The following RPRD1A variants were observed in gnomAD, a reference collection of about 807,000 sequenced individuals.
RPRD1A encodes the protein regulation of nuclear pre-mRNA domain containing 1A.
RPRD1A carries 9 observed loss-of-function variants against 37.8 expected under a neutral mutation model. The ratio of observed to expected loss-of-function variants is 0.24; its 90% CI spans 0.14 to 0.42. The LOEUF (loss-of-function observed/expected upper bound fraction) is 0.42. RPRD1A is among the 10% of genes least tolerant of loss of function. RPRD1A has a pLI of 1.00. For synonymous variants in RPRD1A, 138 were observed against 139.7 expected, an observed-to-expected ratio of 0.99 and a Z score of 0.08; for missense variants, 255 against 371.0, an observed-to-expected ratio of 0.69 and a Z score of 2.57.
At chr18:36,029,201 C>G (rs1431736840) in intron 4 of RPRD1A, among the ~76,000 whole-genome samples, 1 of 152,168 alleles carries the variant, frequency 6.6e-6, no homozygotes, top group African/African-American at 2.4e-5. Flanking sequence ...TGGTCTGATT[C>G]CTTCTGCTTC....
chr18:36,030,944 C>T (rs1267283762), intron 3 of RPRD1A, 39 bp from the exon 4 acceptor site: 4 of 1,598,234 alleles, frequency 2.5e-6, no homozygotes, highest in African/African-American at 1.3e-5. Flanking sequence ...TGAAAGAATA[C>T]ATTTTAATGA....
intron 2 of RPRD1A, 44 bp downstream of exon 2, chr18:36,033,664 T>C (rs755181268): frequency 6.6e-7 from 1 of 1,525,430 alleles, no homozygotes; most frequent in Non-Finnish European, 8.8e-7. Flanking sequence ...GGACATATGG[T>C]ACATTTAAAA....
chr18:36,044,375 A>AAAAAACATTTCATT (rs1912803770), intron 1 of RPRD1A, among the ~76,000 whole-genome samples: 1 of 152,188 alleles, frequency 6.6e-6, no homozygotes, highest in South Asian at 2.1e-4. Flanking sequence ...TGTGGTCCCT[A>AAAAAACATTTCATT]AAAAACATTT....
Position 36,031,037 on chromosome 18 carries a change from C to T in RPRD1A, c.342G>A (p.Arg114=). 6.3e-7 allele frequency: 1 copy of T among 1,596,878 alleles called. No homozygotes were observed. ...LGRVLSIWEE[R]SVYENDVLEQ... is the part of the protein sequence containing the mutation. ...CTAATACATCATTTTCATAAACAGACCTTTCTTCCCAAATAGATAACACTC... is the reference window on the plus strand; with the variant it reads ...CTAATACATCATTTTCATAAACAGATCTTTCTTCCCAAATAGATAACACTC... Residue 114 remains arginine (R), a synonymous_variant, in exon 3 of 7, where the codon AGG becomes AGA. Coordinates refer to ENST00000399022, the MANE Select transcript of RPRD1A (RefSeq NM_018170.5).
intron 1 of RPRD1A, among the ~76,000 whole-genome samples, chr18:36,066,102 A>T (rs1253005650): frequency 6.6e-6 from 1 of 152,198 alleles, no homozygotes; most frequent in Non-Finnish European, 1.5e-5. Flanking sequence ...CTTTCCGTCC[A>T]CTCACAGAAG....
At chr18:36,019,142 C>G (rs1910815210) in intron 6 of RPRD1A, among the ~76,000 whole-genome samples, 1 of 135,496 alleles carries the variant, frequency 7.4e-6, no homozygotes, top group Non-Finnish European at 1.5e-5. Flanking sequence ...GAGTCTCGCT[C>G]TGTCGCCCAG....
intron 6 of RPRD1A, among the ~76,000 whole-genome samples, chr18:36,012,994 A>G (rs1182556751): frequency 9.2e-5 from 14 of 152,158 alleles, no homozygotes; most frequent in Admixed American, 9.2e-4. Flanking sequence ...TGGTTTCCAG[A>G]GGTACAGGGA....
chr18:36,066,306 T>C (rs531332711), intron 1 of RPRD1A, among the ~76,000 whole-genome samples: 1 of 152,342 alleles, frequency 6.6e-6, no homozygotes, highest in African/African-American at 2.4e-5. Flanking sequence ...ATCATATAGC[T>C]TTCACAAGGT....
At chr18:36,013,521 G>C (rs971340556) in intron 6 of RPRD1A, among the ~76,000 whole-genome samples, 2 of 152,082 alleles carry the variant, frequency 1.3e-5, no homozygotes, top group African/African-American at 4.8e-5. Flanking sequence ...CAATATCCGA[G>C]ATAGGTGCTA....
intron 1 of RPRD1A, among the ~76,000 whole-genome samples, chr18:36,045,101 G>A (rs146348843): frequency 3.3e-5 from 5 of 151,970 alleles, no homozygotes; most frequent in African/African-American, 9.6e-5. Flanking sequence ...TTAGCCAGAC[G>A]TGGTGGTGCA....
rs1908800236 is a variant in RPRD1A at position 35,992,984 on chromosome 18, A to G, written c.*167T>C. On this transcript the variant is annotated 3_prime_UTR_variant, in exon 7 of 7. Transcript: ENST00000399022. ...CAAATTAAGTCATGTTAATTTACCAATAAAATAGTAAACAAACCAACATTT... is the reference window on the plus strand; with the variant it reads ...CAAATTAAGTCATGTTAATTTACCAGTAAAATAGTAAACAAACCAACATTT... 6 of 503,402 alleles carry G rather than the reference A, an allele frequency of 1.2e-5. No homozygotes were observed. Among genetic ancestry groups the G allele is most frequent in the Non-Finnish European group, 1.9e-5 (6 of 309,732 alleles). The allele number at this position is 503,402 out of a possible 1,614,324, so 31.2% of individuals were successfully genotyped here. A position where few individuals can be genotyped will look rare whatever the true frequency, so the allele number is the denominator to read the frequency against.
At chr18:36,062,095 A>G (rs1050195129) in intron 1 of RPRD1A, among the ~76,000 whole-genome samples, 1 of 151,866 alleles carries the variant, frequency 6.6e-6, no homozygotes, top group Non-Finnish European at 1.5e-5. Flanking sequence ...AGGCGGGTGG[A>G]TCATGAGGTC....
At chr18:36,067,095 T>C (rs1316158903) in intron 1 of RPRD1A, among the ~76,000 whole-genome samples, 159 bp downstream of exon 1, 3 of 152,244 alleles carry the variant, frequency 2.0e-5, no homozygotes, top group African/African-American at 4.8e-5. Flanking sequence ...GCCCAGACTT[T>C]GCAGAAGCGT....
At chr18:36,020,278 A>G (rs752657624) in intron 6 of RPRD1A, among the ~76,000 whole-genome samples, 3 of 152,180 alleles carry the variant, frequency 2.0e-5, no homozygotes, top group Non-Finnish European at 4.4e-5. Flanking sequence ...TAACTAAAAG[A>G]TGGAAGATAA....
intron 6 of RPRD1A, among the ~76,000 whole-genome samples, chr18:36,022,046 A>G (rs1007726507): frequency 5.9e-5 from 9 of 152,182 alleles, no homozygotes; most frequent in African/African-American, 1.4e-4. Context: ...GAAGAAAGCT[A>G]AACAGCCTTA....
At chr18:36,061,328 G>C (rs2088906738) in intron 1 of RPRD1A, among the ~76,000 whole-genome samples, 1 of 152,138 alleles carries the variant, frequency 6.6e-6, no homozygotes. Flanking sequence ...AATAAATACA[G>C]GGTGAGTAAA....
intron 6 of RPRD1A, among the ~76,000 whole-genome samples, chr18:36,001,111 A>G (rs1446978000): frequency 1.3e-5 from 2 of 152,158 alleles, no homozygotes; most frequent in Non-Finnish European, 1.5e-5. Context: ...AGGCCCCGTG[A>G]TAAATTTTCT....
chr18:36,024,139 G>A (rs1042172166), intron 6 of RPRD1A, among the ~76,000 whole-genome samples: 2 of 143,706 alleles, frequency 1.4e-5, no homozygotes, highest in Non-Finnish European at 3.1e-5. Flanking sequence ...CAGTTATCTC[G>A]TGTGTGTGTG....
At chr18:36,044,402 T>A (rs1912806059) in intron 1 of RPRD1A, among the ~76,000 whole-genome samples, 1 of 152,086 alleles carries the variant, frequency 6.6e-6, no homozygotes, top group African/African-American at 2.4e-5. Context: ...TAAAAGCAGA[T>A]CAAAGCTGGG....
Sources: gnomAD v4.1 joint callset for allele counts (sites outside exome capture counted in the v4.1 genomes callset) on GRCh38, gnomAD v4.1.1 for gene constraint, MANE v1.5 for transcripts, NCBI Gene and HGNC (gene_info 2026-07-23, HGNC 2026-07-21) for gene names.